Variants in ZNF324 observed in about 807,000 individuals in gnomAD.
ZNF324 encodes zinc finger protein 324, also known as zinc finger protein 324A.
Under a neutral mutation model 10.3 loss-of-function variants are expected in ZNF324, and 3 were observed. The ratio of observed to expected loss-of-function variants is 0.29; its 90% confidence interval spans 0.13 to 0.75. The LOEUF (loss-of-function observed/expected upper bound fraction) is 0.75. ZNF324 is among the 30% of genes least tolerant of loss of function. The probability of loss-of-function intolerance (pLI) is 0.69; values close to 1 mark genes in which losing one functional copy is unlikely to be tolerated. For missense variants in ZNF324, 763 were observed against 784.4 expected, an observed-to-expected ratio of 0.97 and a Z score of 0.33; for synonymous variants, 430 against 339.5, an observed-to-expected ratio of 1.27 and a Z score of -2.93.
chr19:58,468,702 A>G (rs2053002466), intron 1 of ZNF324, among the ~76,000 whole-genome samples: 1 of 152,142 alleles, frequency 6.6e-6, no homozygotes, highest in Non-Finnish European at 1.5e-5. Context: ...CTGAGGGCCC[A>G]GCCAGGACTT....
chr19:58,468,867 C>T (rs1399721756), intron 1 of ZNF324, among the ~76,000 whole-genome samples: 1 of 152,090 alleles, frequency 6.6e-6, no homozygotes, highest in African/African-American at 2.4e-5. Context: ...GGGTGAGTGT[C>T]TGAGGGACAT....
intron 2 of ZNF324, 72 bp from the exon 3 acceptor site, chr19:58,469,656 C>T (rs529028538): frequency 4.7e-6 from 6 of 1,275,094 alleles, no homozygotes; most frequent in Non-Finnish European, 3.3e-6. Context: ...GAAGCCCTGA[C>T]TCCTGCCCTC....
rs1416272132 is a variant in ZNF324, at chr19:58,475,298, C to T, written c.*3144C>T. On this transcript the variant is annotated 3_prime_UTR_variant, in exon 4 of 4. Coordinates refer to ENST00000196482, the MANE Select transcript of ZNF324 (RefSeq NM_014347.3). ...AGGACTGACTAAGTAATGGCTCGGC[C>T]ACTTTTAAGTGTGGAAGCAAAACTG... is the stretch of plus-strand genomic sequence containing the variant. 3 of 152,204 alleles carry T rather than the reference C, an allele frequency of 2.0e-5. No homozygotes were observed. Among genetic ancestry groups the T allele is most frequent in the South Asian group, 2.1e-4 (1 of 4,832 alleles). The allele number at this position is 152,204 out of a possible 1,614,324, so 9.4% of individuals were successfully genotyped here.
Position 58,472,371 on chromosome 19 carries a change from C to G in ZNF324, c.*217C>G. 1 of 574,078 alleles carries G rather than the reference C, an allele frequency of 1.7e-6. No individual in the cohort carries two copies. The highest frequency in any genetic ancestry group is 3.0e-6 in the Non-Finnish European group (1 of 328,550). 35.6% of individuals were successfully genotyped at this position (574,078 alleles called of 1,614,324 possible). A position where few individuals can be genotyped will look rare whatever the true frequency, so the allele number is the denominator to read the frequency against. ...CAAAGAGGTAGCACTGCAGCAACAT[C>G]AGGGGGAGGACGTGGTGGCTGAACT... On this transcript the variant is annotated 3_prime_UTR_variant, in exon 4 of 4. Coordinates refer to ENST00000196482, the MANE Select transcript of ZNF324 (RefSeq NM_014347.3).
chr19:58,472,337 C>G lies in ZNF324; in HGVS notation c.*183C>G. The G allele has an allele frequency of 1.6e-6, 1 of 639,446 alleles. No individual in the cohort carries two copies. Among genetic ancestry groups the G allele is most frequent in the African/African-American group, 1.8e-5 (1 of 54,864 alleles). 39.6% of individuals were successfully genotyped at this position (639,446 alleles called of 1,614,324 possible). A position where few individuals can be genotyped will look rare whatever the true frequency, so the allele number is the denominator to read the frequency against. The stretch of plus-strand genomic sequence containing the variant: ...TTGCCAGTTCACCCACAGATCACAC[C>G]TCCATCCCCAAAGAGGTAGCACTGC... On this transcript the variant is annotated 3_prime_UTR_variant, in exon 4 of 4. Transcript: ENST00000196482.
chr19:58,472,123 C>T lies in ZNF324; in HGVS notation c.1631C>T (p.Pro544Leu). The T allele has an allele frequency of 7.5e-6, 12 of 1,590,160 alleles. No individual in the cohort carries two copies. The highest frequency in any genetic ancestry group is 1.1e-5 in the South Asian group (1 of 90,096). Residue 544 changes from proline to leucine, a missense_variant, in exon 4 of 4, where the codon CCA (proline) becomes CTA (leucine). Physicochemically the swap from Pro to Leu is moderately conservative, Grantham distance 98. This residue lies in a region of ZNF324 where 231 missense variants were observed against 196.0 expected (regional missense o/e 1.18). Coordinates refer to ENST00000196482, the MANE Select transcript of ZNF324 (RefSeq NM_014347.3). ...ACCGAGCCCACTCCCGCCTCGGGCC[C>T]AGCCGCCGTCTCGCAGCCAGCGGAG... The part of the protein sequence containing the change: ...KETEPTPASG[P>L]AAVSQPAEV
rs1283839798 is a variant in ZNF324, at chr19:58,474,305, G to A, written c.*2151G>A. On this transcript the variant is annotated 3_prime_UTR_variant, in exon 4 of 4. Coordinates refer to ENST00000196482, the MANE Select transcript of ZNF324 (RefSeq NM_014347.3). Reference sequence around the variant, plus strand: ...TCTGGGGAGCCCATGGGAGTCAGGAGCAAAAGCATCTGTCAAACAAGTAGA... The same window carrying A: ...TCTGGGGAGCCCATGGGAGTCAGGAACAAAAGCATCTGTCAAACAAGTAGA... 2.0e-5 allele frequency: 3 copies of A among 152,214 alleles called. No individual in the cohort carries two copies. Among genetic ancestry groups the A allele is most frequent in the South Asian group, 2.1e-4 (1 of 4,832 alleles). 9.4% of individuals were successfully genotyped at this position (152,214 alleles called of 1,614,324 possible).
Position 58,471,156 on chromosome 19 carries a change from C to T in ZNF324, c.664C>T (p.His222Tyr). Residue 222 changes from histidine (H) to tyrosine (Y), a missense_variant, in exon 4 of 4, where the codon CAC (histidine) becomes TAC (tyrosine). Coordinates refer to ENST00000196482, the MANE Select transcript of ZNF324 (RefSeq NM_014347.3). ...DLEAAGGRGH[H>Y]RMGAVWQEPH... ...GGAGGCTGCCGGCGGTCGGGGACAT[C>T]ACCGAATGGGTGCAGTTTGGCAGGA... The T allele has an allele frequency of 6.2e-7, 1 of 1,613,784 alleles. No individual in the cohort carries two copies. The highest frequency in any genetic ancestry group is 8.5e-7 in the Non-Finnish European group (1 of 1,180,040).
In ZNF324 at chr19:58,470,731, G is replaced by A. The variant is rs577675399; in HGVS notation, c.239G>A (p.Gly80Asp). The A allele has an allele frequency of 1.2e-6, 2 of 1,614,194 alleles. No individual in the cohort carries two copies. The highest frequency in any genetic ancestry group is 2.2e-5 in the East Asian group (1 of 44,886). ...SRTTYRRRNP[G>D]SWSLTEDRDV... ...GCAACCACTGTTTCTCTGCCTTTAG[G>A]TTCCTGGAGTTTGACAGAGGATAGA... The change falls in exon 4 of 4, where the codon GGT becomes GAT. Residue 80 changes from glycine (G) to aspartate (D), a missense_variant and splice_region_variant. Coordinates refer to ENST00000196482, the MANE Select transcript of ZNF324 (RefSeq NM_014347.3).
chr19:58,472,319 TTCACCCACAGA>T lies in ZNF324; in HGVS notation c.*170_*180del, dbSNP rs1478481545. On this transcript the variant is annotated 3_prime_UTR_variant, in exon 4 of 4. Transcript: ENST00000196482. ...TGCACGTGGGGACAGGATTTGCCAG[TTCACCCACAGA>T]TCACACCTCCATCCCCAAAGAGGTA... is the stretch of plus-strand genomic sequence containing the variant. 4 of 721,858 alleles carry T rather than the reference TTCACCCACAGA, an allele frequency of 5.5e-6. No individual in the cohort carries two copies. The highest frequency in any genetic ancestry group is 8.8e-6 in the Non-Finnish European group (4 of 454,062). 44.7% of individuals were successfully genotyped at this position (721,858 alleles called of 1,614,324 possible).
Position 58,469,258 on chromosome 19 carries a change from C to T in ZNF324, c.73C>T (p.Leu25=). ...GCTCCTGGACACAGCCCAGAGGGCC[C>T]TGTACCGCCGCGTGATGCTAGACAA... ...WGLLDTAQRA[L]YRRVMLDNFA... Residue 25 remains leucine (L), a synonymous_variant, in exon 2 of 4, where the codon CTG becomes TTG. Transcript: ENST00000196482. The T allele has an allele frequency of 6.2e-7, 1 of 1,614,182 alleles. No homozygotes were observed. Among genetic ancestry groups the T allele is most frequent in the South Asian group, 1.1e-5 (1 of 91,078 alleles).
chr19:58,469,073 T>G (rs1210080784), intron 1 of ZNF324, 107 bp from the exon 2 acceptor site: 1 of 1,371,566 alleles, frequency 7.3e-7, no homozygotes, highest in East Asian at 2.3e-5. Flanking sequence ...TTAATGTATT[T>G]TATGTGTTGC....
rs2053024757 is a variant in ZNF324 at position 58,470,917 on chromosome 19, T to C, written c.425T>C (p.Ile142Thr). 3.1e-6 allele frequency: 5 copies of C among 1,614,044 alleles called. No individual in the cohort carries two copies. The African/African-American group carries it at 4.0e-5, about 13-fold the overall frequency. Residue 142 changes from isoleucine (I) to threonine (T), a missense_variant, in exon 4 of 4, where the codon ATC becomes ACC. This residue lies in a region of ZNF324 where 379 missense variants were observed against 319.4 expected (regional missense o/e 1.19). Transcript: ENST00000196482. ...AGAAAACCCACGGGGGTGTCGGTGA[T>C]CTACTGGGAGAGGCTCCTGCTAGGC... ...RERKPTGVSV[I>T]YWERLLLGSG...
chr19:58,469,417 G>T, intron 2 of ZNF324, 111 bp downstream of exon 2: 1 of 1,420,280 alleles, frequency 7.0e-7, no homozygotes. Flanking sequence ...TTGCAGCCAG[G>T]AGCCATGTGG....
In ZNF324 at chr19:58,471,009, C is replaced by T. The variant is rs2053026299; in HGVS notation, c.517C>T (p.Arg173Trp). The change falls in exon 4 of 4, where the codon CGG becomes TGG. Residue 173 changes from arginine to tryptophan, a missense_variant. Arg to Trp is a moderately radical substitution (Grantham distance 101). This residue lies in a region of ZNF324 where 379 missense variants were observed against 319.4 expected (regional missense o/e 1.19). Transcript: ENST00000196482. ...CCCGCTTAGGCCTCCCGAGGGCGTC[C>T]GGCTTAGAGAAAAGACACTCACAGA... ...TSPLRPPEGV[R>W]LREKTLTEHA... is the part of the protein sequence containing the mutation. 1.2e-6 allele frequency: 2 copies of T among 1,614,160 alleles called. No homozygotes were observed. Among genetic ancestry groups the T allele is most frequent in the African/African-American group, 1.3e-5 (1 of 75,050 alleles).
At position 58,472,136 on chromosome 19, in the gene ZNF324, G is replaced by A. The variant is rs764222713; in HGVS notation, c.1644G>A (p.Ser548=). 1.5e-5 allele frequency: 23 copies of A among 1,583,524 alleles called. No homozygotes were observed. The highest frequency in any genetic ancestry group is 6.7e-5 in the South Asian group (6 of 88,922). Residue 548 remains serine (S), a synonymous_variant, in exon 4 of 4, where the codon TCG becomes TCA. Transcript: ENST00000196482. ...PTPASGPAAV[S]QPAEV is the part of the protein sequence containing the mutation. ...CCGCCTCGGGCCCAGCCGCCGTCTC[G>A]CAGCCAGCGGAGGTCTGAGGTCACA...
chr19:58,469,290 A>C lies in ZNF324; in HGVS notation c.105A>C (p.Ala35=). The part of the protein sequence containing the change: ...LYRRVMLDNF[A]LVASLGLSTS... ...GCCGCGTGATGCTAGACAACTTCGC[A>C]CTTGTGGCCTCGCTGGGTAAGGTCC... Residue 35 remains alanine (A), a synonymous_variant, in exon 2 of 4, where the codon GCA becomes GCC. Coordinates refer to ENST00000196482, the MANE Select transcript of ZNF324 (RefSeq NM_014347.3). 3.7e-6 allele frequency: 6 copies of C among 1,614,114 alleles called. No homozygotes were observed. Among genetic ancestry groups the C allele is most frequent in the Non-Finnish European group, 5.1e-6 (6 of 1,179,992 alleles).
chr19:58,471,999 C>T lies in ZNF324; in HGVS notation c.1507C>T (p.His503Tyr), dbSNP rs755095985. Reference sequence around the variant, plus strand: ...GGCCCTCTTCCACCACCAGAGGATCCATACCGGCGAGAAGACCGTCCGGCG... The same window carrying T: ...GGCCCTCTTCCACCACCAGAGGATCTATACCGGCGAGAAGACCGTCCGGCG... Reference protein sequence around the residue: ...RPALFHHQRIHTGEKTVRRSR... With the variant: ...RPALFHHQRIYTGEKTVRRSR... Residue 503 changes from histidine to tyrosine, a missense_variant, in exon 4 of 4, where the codon CAT (histidine) becomes TAT (tyrosine). Physicochemically the swap from His to Tyr is moderately conservative, Grantham distance 83. Transcript: ENST00000196482. 2 of 1,608,456 alleles carry T rather than the reference C, an allele frequency of 1.2e-6. No individual in the cohort carries two copies. The highest frequency in any genetic ancestry group is 2.2e-5 in the East Asian group (1 of 44,872).
chr19:58,470,496 G>C (rs1568611386), intron 3 of ZNF324: 1 of 641,662 alleles, frequency 1.6e-6, no homozygotes, highest in Admixed American at 2.4e-5. Flanking sequence ...TTCACATCCT[G>C]GGTGTCGGGG....
Sources: allele counts gnomAD v4.1 joint callset (sites outside exome capture counted in the v4.1 genomes callset), GRCh38; gene constraint gnomAD v4.1.1; regional missense constraint gnomAD v4.1.1; transcripts MANE v1.5; gene names NCBI Gene and HGNC (gene_info 2026-07-23, HGNC 2026-07-21).